TENM2: variants seen among roughly 807,000 people sequenced by gnomAD.
The protein encoded by TENM2 is teneurin-2.
TENM2 carries 52 observed loss-of-function variants against 245.2 expected under a neutral mutation model. That is an observed-to-expected ratio of 0.21 (90% CI 0.17 to 0.27). The LOEUF is 0.27. Ranked by LOEUF, TENM2 falls within the 10% of genes least tolerant of loss-of-function variation. The probability of loss-of-function intolerance (pLI) is 1.00; values close to 1 mark genes in which losing one functional copy is unlikely to be tolerated. For synonymous variants in TENM2, 1,363 were observed against 1,438.9 expected (o/e 0.95, Z 1.19); for missense variants, 3,046 against 3,666.8 (o/e 0.83, Z 4.37).
At chr5:167,318,944 G>C (rs1212483328) in intron 1 of TENM2, among the ~76,000 whole-genome samples, 1 of 152,206 alleles carries the variant, frequency 6.6e-6, no homozygotes, top group Non-Finnish European at 1.5e-5. Flanking sequence ...AGCAATAGGA[G>C]AGCAGTTGGA....
chr5:167,389,252 AT>A (rs1194374050), intron 2 of TENM2, among the ~76,000 whole-genome samples: 7 of 52,328 alleles, frequency 1.3e-4, no homozygotes, highest in African/African-American at 1.3e-3. Flanking sequence ...CATTTAAAAT[AT>A]ATATATATAT....
chr5:167,859,356 G>A (rs1771447925), intron 2 of TENM2, among the ~76,000 whole-genome samples: 1 of 148,452 alleles, frequency 6.7e-6, no homozygotes. Flanking sequence ...CCGCCCGGCA[G>A]CCACCCCGTC....
the TENM2 span, among the ~76,000 whole-genome samples, chr5:167,009,553 T>C: frequency 9.2e-5 from 14 of 152,222 alleles, no homozygotes; most frequent in Admixed American, 9.2e-4. Flanking sequence ...GCCCCAGTGA[T>C]AGAATCGTTG....
At chr5:168,204,351 C>G (rs1184819764) in intron 18 of TENM2, 21 bp from the exon 21 acceptor site, 1 of 1,606,688 alleles carries the variant, frequency 6.2e-7, no homozygotes, top group Non-Finnish European at 8.5e-7. Context: ...AGTAACCCCT[C>G]CCATTCTCCA....
At position 167,375,110 on chromosome 5, in the gene TENM2, A is replaced by G. The variant is rs182845203; in HGVS notation, c.227-88A>G. 3.0e-5 allele frequency: 42 copies of G among 1,391,024 alleles called. No homozygotes were observed. In the Admixed American group the frequency reaches 5.0e-4, roughly 16 times the overall value. The allele number at this position is 1,391,024 out of a possible 1,614,324, so 86.2% of individuals were successfully genotyped here. A position where few individuals can be genotyped will look rare whatever the true frequency, so the allele number is the denominator to read the frequency against. On this transcript the variant is annotated intron_variant, in intron 1 of 28. Coordinates refer to ENST00000518659, the Ensembl canonical transcript of TENM2. ...AATTTGATGTATCTGTCAGATGGGA[A>G]AAGTGGCTGCTTTTTTGTAAGGATA...
At chr5:168,144,686 G>T (rs1755882947) in intron 12 of TENM2, among the ~76,000 whole-genome samples, 2 of 151,444 alleles carry the variant, frequency 1.3e-5, no homozygotes, top group African/African-American at 4.9e-5. Flanking sequence ...AGTCCTTTGG[G>T]TATATACCCA....
At chr5:167,492,196 G>A (rs115333644) in intron 2 of TENM2, among the ~76,000 whole-genome samples, 1 of 152,154 alleles carries the variant, frequency 6.6e-6, no homozygotes, top group African/African-American at 2.4e-5. Flanking sequence ...TGTTTTTATA[G>A]AGGTACTTCT....
chr5:167,074,123 T>C, the TENM2 span, among the ~76,000 whole-genome samples: 42 of 152,338 alleles, frequency 2.8e-4, no homozygotes, highest in African/African-American at 9.9e-4. Context: ...CAATTTTAAT[T>C]TGAAGTCGGG....
intron 5 of TENM2, among the ~76,000 whole-genome samples, chr5:168,025,611 G>A (rs139311563): frequency 3.3e-5 from 5 of 152,266 alleles, no homozygotes; most frequent in African/African-American, 1.2e-4. Context: ...ATACAGGTAG[G>A]GTTTCCTTCC....
chr5:167,791,388 T>C (rs1478233450), intron 2 of TENM2, among the ~76,000 whole-genome samples: 2 of 130,816 alleles, frequency 1.5e-5, no homozygotes, highest in East Asian at 2.2e-4. Context: ...CAAAGTGCTT[T>C]ACATATAGTA....
At chr5:167,646,200 CATATATATATATATATAT>C (rs61476810) in intron 2 of TENM2, among the ~76,000 whole-genome samples, 3 of 63,440 alleles carry the variant, frequency 4.7e-5, no homozygotes, top group Non-Finnish European at 3.1e-5. Flanking sequence ...ATGTTGTTTT[CATATATATATATATATAT>C]ATATATATAT....
intron 3 of TENM2, among the ~76,000 whole-genome samples, chr5:167,906,970 C>T (rs977674583): frequency 6.6e-5 from 10 of 152,294 alleles, no homozygotes; most frequent in Non-Finnish European, 1.5e-4. Flanking sequence ...CAGTGGCTCA[C>T]GCCTGTAATC....
chr5:167,689,051 G>C (rs756871932), intron 2 of TENM2, among the ~76,000 whole-genome samples: 12 of 152,120 alleles, frequency 7.9e-5, no homozygotes, highest in Non-Finnish European at 1.8e-4. Flanking sequence ...TTGAACTTCC[G>C]GAAAAACGTT....
the TENM2 span, among the ~76,000 whole-genome samples, chr5:167,242,937 C>T: frequency 4.6e-5 from 7 of 151,820 alleles, no homozygotes; most frequent in African/African-American, 7.2e-5. Context: ...AGGCCAAAAA[C>T]GCAAAATAGA....
intron 1 of TENM2, among the ~76,000 whole-genome samples, chr5:167,308,309 CAG>C (rs2127748638): frequency 6.6e-6 from 1 of 152,242 alleles, no homozygotes; most frequent in African/African-American, 2.4e-5. Context: ...CTCTGTGGGC[CAG>C]AGTCATCTTC....
chr5:167,068,603 T>C, the TENM2 span, among the ~76,000 whole-genome samples: 17 of 152,348 alleles, frequency 1.1e-4, no homozygotes, highest in East Asian at 2.5e-3. Context: ...GTGCATGTCA[T>C]TGCAGAATAC....
At chr5:167,138,851 G>A in the TENM2 span, among the ~76,000 whole-genome samples, 1 of 152,240 alleles carries the variant, frequency 6.6e-6, no homozygotes, top group Admixed American at 6.5e-5. Context: ...TCAAACTCCT[G>A]ACCTTAGGTG....
the TENM2 span, among the ~76,000 whole-genome samples, chr5:167,193,094 G>T: frequency 6.6e-6 from 1 of 152,154 alleles, no homozygotes; most frequent in South Asian, 2.1e-4. Context: ...AAATCCTGTT[G>T]ATAGGGGAGG....
chr5:168,047,156 A>G (rs545308673), intron 5 of TENM2, among the ~76,000 whole-genome samples: 1 of 152,220 alleles, frequency 6.6e-6, no homozygotes, highest in South Asian at 2.1e-4. Context: ...CACCGTTTGG[A>G]AGATCTGGGC....
Sources: gnomAD v4.1 joint callset for allele counts (sites outside exome capture counted in the v4.1 genomes callset) on GRCh38, gnomAD v4.1.1 for gene constraint, MANE v1.5 for transcripts, NCBI Gene and HGNC (gene_info 2026-07-23, HGNC 2026-07-21) for gene names.